Variants in TAB3 observed in about 807,000 individuals in gnomAD.
The protein encoded by TAB3 is TGF-beta activated kinase 1 (MAP3K7) binding protein 3.
In TAB3, 18 loss-of-function variants were observed where a neutral mutation model predicts 48.1. That is an observed-to-expected ratio of 0.37 (90% CI 0.26 to 0.55). The LOEUF is 0.55. TAB3 is among the 20% of genes least tolerant of loss of function. The pLI is 0.78. For synonymous variants in TAB3, 185 were observed against 190.2 expected (o/e 0.97, Z 0.22); for missense variants, 414 against 549.8 (o/e 0.75, Z 2.47).
At chrX:30,838,956 T>C (rs1365594516) in intron 9 of TAB3, among the ~76,000 whole-genome samples, 1 of 111,370 alleles carries the variant, frequency 9.0e-6, no homozygotes, top group Non-Finnish European at 1.9e-5. Context: ...GTAGTATATA[T>C]AGTTTTATTT....
In TAB3 at chrX:30,872,947, C is replaced by T. The variant is rs191354415; in HGVS notation, c.-382-1146G>A. On this transcript the variant is annotated intron_variant, in intron 1 of 10. Transcript: ENST00000288422. ...TAATTAAGCATATAGATCTAATTTC[C>T]GGTCCATATGAAGTAAGAGGATAAA... 7.3e-4 allele frequency among the ~76,000 whole-genome samples: 81 copies of T among 111,406 alleles called. No homozygotes were observed. In the East Asian group the frequency reaches 8.2e-3, roughly 11 times the overall value.
At chrX:30,856,226 G>A (rs1297910514) in intron 5 of TAB3, among the ~76,000 whole-genome samples, 2 of 111,797 alleles carry the variant, frequency 1.8e-5, no homozygotes, top group Admixed American at 9.5e-5. Context: ...GACTTTGCCC[G>A]AGTTAGGGTA....
chrX:30,887,211 T>C (rs1940158207), intron 1 of TAB3, among the ~76,000 whole-genome samples: 1 of 110,240 alleles, frequency 9.1e-6, no homozygotes, highest in Non-Finnish European at 1.9e-5. Flanking sequence ...AAATATTTGT[T>C]CTTTGAAGTA....
In TAB3 at chrX:30,831,592, TTAAGG is replaced by T. The variant is rs749926220; in HGVS notation, c.1991-22_1991-18del. ...TTCGATGCTCTGAGGGAGGTTAGGA[TTAAGG>T]GGGAGGGGGAAGGTAAATAGATTAA... On this transcript the variant is annotated intron_variant, in intron 10 of 10. Coordinates refer to ENST00000288422, the MANE Select transcript of TAB3 (RefSeq NM_152787.5). 9.3e-5 allele frequency: 112 copies of T among 1,201,134 alleles called. No individual in the cohort carries two copies. Among genetic ancestry groups the T allele is most frequent in the South Asian group, 3.6e-4 (20 of 54,993 alleles).
chrX:30,875,815 T>C (rs1209727373), intron 1 of TAB3, among the ~76,000 whole-genome samples: 1 of 112,064 alleles, frequency 8.9e-6, no homozygotes, highest in African/African-American at 3.3e-5. Flanking sequence ...TAAAAATGTA[T>C]ATAATTATAC....
At chrX:30,841,667 C>T (rs1313050043) in intron 9 of TAB3, among the ~76,000 whole-genome samples, 1 of 111,441 alleles carries the variant, frequency 9.0e-6, no homozygotes, top group South Asian at 3.7e-4. Flanking sequence ...AAATGTTATA[C>T]TCTCTGGTAA....
In TAB3 at chrX:30,830,250, TAA is replaced by T. The variant is rs1166257306; in HGVS notation, c.*1175_*1176del. ...TCCTCTATATTCACCTTTCTCTTAA[TAA>T]TTTTTGACAATCCCTCCTTTCCTAA... On this transcript the variant is annotated 3_prime_UTR_variant, in exon 11 of 11. Coordinates refer to ENST00000288422, the MANE Select transcript of TAB3 (RefSeq NM_152787.5). 2 of 112,489 alleles carry T rather than the reference TAA, an allele frequency of 1.8e-5. No homozygotes were observed. The highest frequency in any genetic ancestry group is 3.2e-5 in the African/African-American group (1 of 30,908). The allele number at this position is 112,489 out of a possible 1,213,427, so 9.3% of individuals were successfully genotyped here. A position where few individuals can be genotyped will look rare whatever the true frequency, so the allele number is the denominator to read the frequency against.
intron 9 of TAB3, among the ~76,000 whole-genome samples, chrX:30,839,938 A>ATATATATC (rs1569204483): frequency 3.1e-5 from 2 of 65,078 alleles, no homozygotes; most frequent in East Asian, 9.7e-4. Flanking sequence ...ATATATATAT[A>ATATATATC]TATATAATAT....
At chrX:30,862,735 C>A (rs1332569262) in intron 4 of TAB3, among the ~76,000 whole-genome samples, 1 of 111,927 alleles carries the variant, frequency 8.9e-6, no homozygotes, top group Non-Finnish European at 1.9e-5. Flanking sequence ...GAACATATGG[C>A]AGAATCATGA....
rs762420924 is a variant in TAB3 at position 30,849,533 on chromosome X, AATG to A, written c.1711-2892_1711-2890del. Among the ~76,000 whole-genome samples, 15 of 112,924 alleles carry A rather than the reference AATG, an allele frequency of 1.3e-4. No individual in the cohort carries two copies. In the East Asian group the frequency reaches 3.6e-3, roughly 27 times the overall value. ...GGGTATTCCTATACACAAGTGGGACAATGATAAGGCTAGCCATCTACTGTTCAC... is the reference window on the plus strand; with the variant it reads ...GGGTATTCCTATACACAAGTGGGACAATAAGGCTAGCCATCTACTGTTCAC... On this transcript the variant is annotated intron_variant, in intron 7 of 10. Transcript: ENST00000288422.
intron 4 of TAB3, 191 bp from the exon 5 acceptor site, chrX:30,859,869 A>G: frequency 2.9e-6 from 1 of 344,770 alleles, no homozygotes; most frequent in Non-Finnish European, 5.0e-6. Context: ...ACCCTCACAG[A>G]AACACTAAAC....
chrX:30,881,686 GAAGTT>G (rs1238697848), intron 1 of TAB3, among the ~76,000 whole-genome samples: 2 of 111,657 alleles, frequency 1.8e-5, no homozygotes, highest in Admixed American at 1.9e-4. Context: ...TTACATCTTA[GAAGTT>G]AACTAACAAC....
In TAB3 at chrX:30,829,318, C is replaced by T. The variant is rs779161631; in HGVS notation, c.*2109G>A. ...TGACAACTGCCAAGTTAATTGCCTC[C>T]ACTTCAGCATATCACTATGAATACT... On this transcript the variant is annotated 3_prime_UTR_variant, in exon 11 of 11. Transcript: ENST00000288422. The T allele has an allele frequency of 4.5e-5, 5 of 112,342 alleles. No individual in the cohort carries two copies. The highest frequency in any genetic ancestry group is 7.5e-5 in the Non-Finnish European group (4 of 53,246). The allele number at this position is 112,342 out of a possible 1,213,427, so 9.3% of individuals were successfully genotyped here.
rs1025575144 is a variant in TAB3, at chrX:30,827,489, C to T, written c.*3938G>A. On this transcript the variant is annotated 3_prime_UTR_variant, in exon 11 of 11. Coordinates refer to ENST00000288422, the MANE Select transcript of TAB3 (RefSeq NM_152787.5). ...TATTTTGCAGGAATCTTTGACTTTCCGAATATGTACTGTTTGGAGGTACGA... is the reference window on the plus strand; with the variant it reads ...TATTTTGCAGGAATCTTTGACTTTCTGAATATGTACTGTTTGGAGGTACGA... The T allele has an allele frequency of 4.5e-5, 5 of 112,310 alleles. No individual in the cohort carries two copies. The highest frequency in any genetic ancestry group is 5.6e-4 in the East Asian group (2 of 3,594). The allele number at this position is 112,310 out of a possible 1,213,427, so 9.3% of individuals were successfully genotyped here.
intron 1 of TAB3, among the ~76,000 whole-genome samples, chrX:30,879,359 G>T (rs1042137473): frequency 8.9e-6 from 1 of 111,904 alleles, no homozygotes; most frequent in African/African-American, 3.2e-5. Context: ...AAAATTTCAG[G>T]CCAATCCCAC....
At chrX:30,888,949 C>A (rs1028312536) in intron 1 of TAB3, among the ~76,000 whole-genome samples, 165 bp downstream of exon 1, 4 of 113,263 alleles carry the variant, frequency 3.5e-5, no homozygotes, top group Non-Finnish European at 5.6e-5. Context: ...TCCGGCAGCC[C>A]CGCAGTTCCC....
chrX:30,871,777 TGAA>T lies in TAB3; in HGVS notation c.-361_-359del, dbSNP rs772698160. On this transcript the variant is annotated 5_prime_UTR_variant, in exon 2 of 11. Coordinates refer to ENST00000288422, the MANE Select transcript of TAB3 (RefSeq NM_152787.5). Reference sequence around the variant, plus strand: ...ACAACACAATCCACGGTCAAAAACTTGAAGAAAAGGCTGAAGACAGTGTCCTGA... The same window carrying T: ...ACAACACAATCCACGGTCAAAAACTTGAAAAGGCTGAAGACAGTGTCCTGA... 19 of 111,891 alleles carry T rather than the reference TGAA, an allele frequency of 1.7e-4. No homozygotes were observed. In the East Asian group the frequency reaches 5.0e-3, roughly 30 times the overall value. 9.2% of individuals were successfully genotyped at this position (111,891 alleles called of 1,213,427 possible).
At chrX:30,838,998 T>TC (rs1442452195) in intron 9 of TAB3, among the ~76,000 whole-genome samples, 1 of 110,549 alleles carries the variant, frequency 9.0e-6, no homozygotes, top group African/African-American at 3.3e-5. Flanking sequence ...TTTTTTTTTT[T>TC]CTCTCTTACT....
At chrX:30,876,698 T>G in intron 1 of TAB3, among the ~76,000 whole-genome samples, 1 of 110,696 alleles carries the variant, frequency 9.0e-6, no homozygotes, top group African/African-American at 3.3e-5. Flanking sequence ...TTTGTAGAGA[T>G]GGGGTTTTGC....
Sources: allele counts gnomAD v4.1 joint callset (sites outside exome capture counted in the v4.1 genomes callset), GRCh38; gene constraint gnomAD v4.1.1; transcripts MANE v1.5; gene names NCBI Gene and HGNC (gene_info 2026-07-23, HGNC 2026-07-21).